Variants in SETBP1 observed in about 807,000 individuals in gnomAD.
The protein encoded by SETBP1 is SET binding protein 1, also known as SET-binding protein.
Under a neutral mutation model 101.0 loss-of-function variants are expected in SETBP1, and 9 were observed. The ratio of observed to expected loss-of-function variants is 0.09; its 90% confidence interval spans 0.05 to 0.16. The LOEUF is 0.16. Among genes scored for constraint, SETBP1 ranks in the 10% least tolerant of loss-of-function variants. The pLI is 1.00. For missense variants in SETBP1, 1,858 were observed against 2,033.8 expected (o/e 0.91, Z 1.66); for synonymous variants, 818 against 788.5 (o/e 1.04, Z -0.63).
intron 2 of SETBP1, among the ~76,000 whole-genome samples, chr18:44,723,654 T>A (rs975380683): frequency 2.6e-5 from 4 of 152,168 alleles, no homozygotes; most frequent in Non-Finnish European, 4.4e-5. Context: ...TTGGCACTTC[T>A]CTCTTGAACC....
At chr18:44,738,773 C>CAAAAAAAA (rs34390519) in intron 2 of SETBP1, among the ~76,000 whole-genome samples, 4 of 79,718 alleles carry the variant, frequency 5.0e-5, no homozygotes, top group Non-Finnish European at 7.3e-5. Flanking sequence ...GACTCCATCT[C>CAAAAAAAA]AAAAAAAAAA....
chr18:44,931,361 G>T (rs898906463), intron 3 of SETBP1, among the ~76,000 whole-genome samples: 17 of 152,132 alleles, frequency 1.1e-4, no homozygotes, highest in African/African-American at 3.6e-4. Flanking sequence ...ACTTCCAACT[G>T]TGTGGTTAGT....
chr18:44,943,181 A>G (rs996672810), intron 3 of SETBP1, among the ~76,000 whole-genome samples: 1 of 152,246 alleles, frequency 6.6e-6, no homozygotes, highest in Admixed American at 6.5e-5. Flanking sequence ...CCTCCTGTTC[A>G]TGAGCATAAA....
At chr18:44,858,820 T>G (rs2073024521) in intron 2 of SETBP1, among the ~76,000 whole-genome samples, 1 of 152,212 alleles carries the variant, frequency 6.6e-6, no homozygotes, top group Non-Finnish European at 1.5e-5. Flanking sequence ...ATGGCTTACT[T>G]GGGATTTTCT....
At chr18:44,697,192 G>T (rs377323423) in intron 1 of SETBP1, 1 of 152,164 alleles carries the variant, frequency 6.6e-6, no homozygotes, top group Non-Finnish European at 1.5e-5. Flanking sequence ...GCTCACACGC[G>T]CATTTTGGCA....
chr18:45,010,149 C>T (rs184763338), intron 4 of SETBP1, among the ~76,000 whole-genome samples: 1 of 152,332 alleles, frequency 6.6e-6, no homozygotes, highest in East Asian at 1.9e-4. Context: ...TTCTATCCCA[C>T]CCCACGAAGC....
rs2070954377 is a variant in SETBP1 at position 44,774,624 on chromosome 18, G to GA, written c.486+72792_486+72793insA. Reference sequence around the variant, plus strand: ...TAGATGATTTGTGGATAGGGTGCGAGCACATGGGATTATGAAAACTCAGAG... The same window carrying GA: ...TAGATGATTTGTGGATAGGGTGCGAGACACATGGGATTATGAAAACTCAGAG... On this transcript the variant is annotated intron_variant, in intron 2 of 5. Transcript: ENST00000649279. Among the ~76,000 whole-genome samples, 3 of 152,240 alleles carry GA rather than the reference G, an allele frequency of 2.0e-5. No individual in the cohort carries two copies. The South Asian group carries it at 6.2e-4, about 32-fold the overall frequency.
intron 4 of SETBP1, among the ~76,000 whole-genome samples, chr18:45,029,235 GCCAGTTTTCCCAGCA>G (rs1211905403): frequency 6.6e-6 from 1 of 152,112 alleles, no homozygotes; most frequent in African/African-American, 2.4e-5. Flanking sequence ...CATATGGCTA[GCCAGTTTTCCCAGCA>G]CCATTTATTA....
At chr18:44,735,823 T>G (rs1177846149) in intron 2 of SETBP1, among the ~76,000 whole-genome samples, 1 of 152,354 alleles carries the variant, frequency 6.6e-6, no homozygotes, top group East Asian at 1.9e-4. Flanking sequence ...TACCTGCTGC[T>G]CTCGTGTTCA....
chr18:44,871,020 G>C (rs1370654115), intron 3 of SETBP1: 1 of 152,374 alleles, frequency 6.6e-6, no homozygotes, highest in Non-Finnish European at 1.5e-5. Flanking sequence ...CAGCCCCACA[G>C]CTTCCAGTGC....
intron 2 of SETBP1, among the ~76,000 whole-genome samples, chr18:44,790,064 G>A (rs536115967): frequency 6.6e-6 from 1 of 152,192 alleles, no homozygotes. Context: ...TTGAATCCTG[G>A]TAGCTGCTGC....
intron 4 of SETBP1, among the ~76,000 whole-genome samples, chr18:45,034,548 T>A (rs945000859): frequency 3.3e-5 from 5 of 152,274 alleles, no homozygotes; most frequent in Non-Finnish European, 5.9e-5. Flanking sequence ...AAAAAAAAAT[T>A]ATCAATAGAG....
intron 2 of SETBP1, among the ~76,000 whole-genome samples, chr18:44,841,838 TG>T (rs1194995032): frequency 1.3e-5 from 2 of 152,210 alleles, no homozygotes; most frequent in Non-Finnish European, 2.9e-5. Flanking sequence ...CGGATTACCT[TG>T]CCAGTGGAAA....
At chr18:44,969,583 G>T (rs981833840) in intron 4 of SETBP1, among the ~76,000 whole-genome samples, 16 of 152,154 alleles carry the variant, frequency 1.1e-4, no homozygotes, top group Admixed American at 5.9e-4. Context: ...GGGCATGCTA[G>T]AGAAACAGCC....
intron 2 of SETBP1, among the ~76,000 whole-genome samples, chr18:44,839,325 C>T (rs562478937): frequency 7.5e-4 from 114 of 152,276 alleles, no homozygotes; most frequent in Non-Finnish European, 1.4e-3. Flanking sequence ...TCTCCACTTC[C>T]GTCACCCCGG....
chr18:44,875,687 C>T (rs77003988), intron 3 of SETBP1, among the ~76,000 whole-genome samples: 2,244 of 152,148 alleles, frequency 0.015, 38 homozygotes, highest in South Asian at 0.054. Flanking sequence ...ATATAGATGC[C>T]GGAAGATGTT....
intron 4 of SETBP1, among the ~76,000 whole-genome samples, chr18:44,977,220 G>A (rs1359444272): frequency 3.3e-5 from 5 of 152,140 alleles, no homozygotes; most frequent in Admixed American, 3.3e-4. Context: ...ATGTCTTTTG[G>A]GCATGCTGTG....
chr18:44,736,399 G>T (rs1019501290), intron 2 of SETBP1, among the ~76,000 whole-genome samples: 1 of 152,082 alleles, frequency 6.6e-6, no homozygotes. Flanking sequence ...AGCTCTGTAG[G>T]GTATGCAAAA....
intron 2 of SETBP1, among the ~76,000 whole-genome samples, chr18:44,770,497 T>A (rs1328925398): frequency 6.6e-6 from 1 of 152,236 alleles, no homozygotes; most frequent in Non-Finnish European, 1.5e-5. Context: ...AATTTTGGTA[T>A]TTTTGAAGTG....
Sources: gnomAD v4.1 joint callset for allele counts (sites outside exome capture counted in the v4.1 genomes callset) on GRCh38, gnomAD v4.1.1 for gene constraint, MANE v1.5 for transcripts, NCBI Gene and HGNC (gene_info 2026-07-23, HGNC 2026-07-21) for gene names.